The following GSTZ1 variants were observed in gnomAD, a reference collection of about 807,000 sequenced individuals.
The protein encoded by GSTZ1 is maleylacetoacetate isomerase.
GSTZ1 carries 34 observed loss-of-function variants against 35.9 expected under a neutral mutation model. The observed-to-expected ratio is 0.95, with a 90% CI of 0.72 to 1.26. The LOEUF is 1.26. Among genes scored for constraint, GSTZ1 ranks in the 50% most tolerant of loss-of-function variants. GSTZ1 has a pLI of 0.00. For synonymous variants in GSTZ1, 93 were observed against 101.2 expected, an observed-to-expected ratio of 0.92 and a Z score of 0.49; for missense variants, 263 against 271.7, an observed-to-expected ratio of 0.97 and a Z score of 0.23.
rs190070432 is a variant in GSTZ1, at chr14:77,326,755, T to C, written c.68-83T>C. ...AGAGAAGCCTCCCCCTCTTTGGCCTTAATGTCACCTTAGAAGGGCTCTTTC... is the reference window on the plus strand; with the variant it reads ...AGAGAAGCCTCCCCCTCTTTGGCCTCAATGTCACCTTAGAAGGGCTCTTTC... On this transcript the variant is annotated intron_variant, in intron 2 of 8. Coordinates refer to ENST00000216465, the MANE Select transcript of GSTZ1 (RefSeq NM_145870.3). 467 of 1,011,220 alleles carry C rather than the reference T, an allele frequency of 4.6e-4. 2 individuals carry two copies. The African/African-American group carries it at 6.5e-3, about 14-fold the overall frequency. 62.6% of individuals were successfully genotyped at this position (1,011,220 alleles called of 1,614,324 possible). A position where few individuals can be genotyped will look rare whatever the true frequency, so the allele number is the denominator to read the frequency against.
At position 77,321,083 on chromosome 14, in the gene GSTZ1, C is replaced by A; in HGVS notation, c.-86C>A. 1.5e-6 allele frequency: 2 copies of A among 1,307,092 alleles called. No individual in the cohort carries two copies. The highest frequency in any genetic ancestry group is 1.5e-5 in the South Asian group (1 of 64,532). The allele number at this position is 1,307,092 out of a possible 1,614,324, so 81.0% of individuals were successfully genotyped here. On this transcript the variant is annotated 5_prime_UTR_variant, in exon 1 of 9. Coordinates refer to ENST00000216465, the MANE Select transcript of GSTZ1 (RefSeq NM_145870.3). Reference sequence around the variant, plus strand: ...CCGGACGAAAGACACGGGCCTGATTCGTCGAGTCTCACTGAGCCTTAGTCG... The same window carrying A: ...CCGGACGAAAGACACGGGCCTGATTAGTCGAGTCTCACTGAGCCTTAGTCG...
chr14:77,327,258 C>G (rs1892367799), intron 3 of GSTZ1: 1 of 605,148 alleles, frequency 1.7e-6, no homozygotes, highest in Non-Finnish European at 3.0e-6. Flanking sequence ...AAGCCCATAG[C>G]CAGGCTGTTA....
chr14:77,328,215 C>G (rs552760412), intron 5 of GSTZ1, 178 bp downstream of exon 5: 1 of 658,472 alleles, frequency 1.5e-6, no homozygotes, highest in African/African-American at 1.8e-5. Flanking sequence ...GAATTCAGCC[C>G]CCCAGCGGGT....
At chr14:77,324,754 A>G (rs1892223057) in intron 1 of GSTZ1, 116 bp from the exon 2 acceptor site, 4 of 1,200,286 alleles carry the variant, frequency 3.3e-6, no homozygotes, top group South Asian at 1.2e-5. Flanking sequence ...CCTGATTTGC[A>G]CAGATGCAGG....
chr14:77,330,933 A>T, intron 8 of GSTZ1, 136 bp from the exon 9 acceptor site: 1 of 729,470 alleles, frequency 1.4e-6, no homozygotes, highest in Non-Finnish European at 2.3e-6. Context: ...CCTGTGAATA[A>T]GGGCTGCCCC....
chr14:77,321,325 G>A (rs951558463), intron 1 of GSTZ1, 142 bp downstream of exon 1: 1 of 1,529,926 alleles, frequency 6.5e-7, no homozygotes, highest in Non-Finnish European at 8.8e-7. Context: ...CACGCTCTGC[G>A]CCTGCGTGCT....
intron 5 of GSTZ1, 152 bp from the exon 6 acceptor site, chr14:77,328,971 G>T: frequency 1.5e-6 from 1 of 673,190 alleles, no homozygotes; most frequent in Non-Finnish European, 2.7e-6. Flanking sequence ...CAGGGCCCTT[G>T]GTTGAAGGAA....
intron 6 of GSTZ1, 28 bp from the exon 7 acceptor site, chr14:77,329,727 A>G: frequency 6.3e-7 from 1 of 1,597,892 alleles, no homozygotes; most frequent in Non-Finnish European, 8.6e-7. Context: ...TGCGCCCAGA[A>G]TAAGATGTTT....
chr14:77,330,256 G>C lies in GSTZ1; in HGVS notation c.475-54G>C, dbSNP rs767871113. Reference sequence around the variant, plus strand: ...AGTCGCAGTGGACACACCCAGTCCAGCCACTGACTCTGGGGTATGCACCCT... The same window carrying C: ...AGTCGCAGTGGACACACCCAGTCCACCCACTGACTCTGGGGTATGCACCCT... On this transcript the variant is annotated intron_variant, in intron 7 of 8. Coordinates refer to ENST00000216465, the MANE Select transcript of GSTZ1 (RefSeq NM_145870.3). 4 of 1,274,268 alleles carry C rather than the reference G, an allele frequency of 3.1e-6. No homozygotes were observed. The African/African-American group carries it at 5.9e-5, about 19-fold the overall frequency. 78.9% of individuals were successfully genotyped at this position (1,274,268 alleles called of 1,614,324 possible).
intron 2 of GSTZ1, 91 bp downstream of exon 2, chr14:77,325,012 G>A (rs1236053162): frequency 1.2e-5 from 13 of 1,107,778 alleles, no homozygotes; most frequent in Admixed American, 8.6e-5. Context: ...GGATGGAAGG[G>A]TTGCTCTGTC....
At chr14:77,322,649 C>T in intron 1 of GSTZ1, 1 of 985,148 alleles carries the variant, frequency 1.0e-6, no homozygotes, top group Non-Finnish European at 1.2e-6. Flanking sequence ...CAGTTGTGGC[C>T]ACCCAATTCC....
chr14:77,322,786 C>T lies in GSTZ1; in HGVS notation c.15+1603C>T, dbSNP rs145251283. The T allele has an allele frequency of 3.5e-6, 3 of 850,468 alleles. No homozygotes were observed. The African/African-American group carries it at 5.5e-5, about 16-fold the overall frequency. The allele number at this position is 850,468 out of a possible 1,614,324, so 52.7% of individuals were successfully genotyped here. ...GGCTTGGGAACCATCTTGGAAGGGC[C>T]TAGGTTCCCACTTACACCCTTGCCA... On this transcript the variant is annotated intron_variant, in intron 1 of 8. Transcript: ENST00000216465.
intron 7 of GSTZ1, chr14:77,330,092 T>G: frequency 1.4e-6 from 1 of 693,838 alleles, no homozygotes. Flanking sequence ...ACCCACAGAG[T>G]TGGTTGTCAG....
At chr14:77,326,547 C>T (rs1892322372) in intron 2 of GSTZ1, 1 of 353,682 alleles carries the variant, frequency 2.8e-6, no homozygotes, top group African/African-American at 2.0e-5. Context: ...CCAGGGCATA[C>T]ACCTTTATCA....
rs1340848101 is a variant in GSTZ1 at position 77,329,184 on chromosome 14, T to C, written c.404T>C (p.Ile135Thr). 8 of 1,610,318 alleles carry C rather than the reference T, an allele frequency of 5.0e-6. No homozygotes were observed. In the African/African-American group the frequency reaches 1.1e-4, roughly 22 times the overall value. ...CAGCTGACCTGGGCCCAGAACGCCA[T>C]CACTTGTGGCTTTAACGGTGAGTCC... ...EMQLTWAQNA[I>T]TCGFNALEQI... is the part of the protein sequence containing the mutation. Residue 135 changes from isoleucine (I) to threonine (T), a missense_variant, in exon 6 of 9, where the codon ATC becomes ACC. Transcript: ENST00000216465.
intron 6 of GSTZ1, 95 bp downstream of exon 6, chr14:77,329,296 C>A: frequency 1.2e-6 from 1 of 854,884 alleles, no homozygotes; most frequent in Non-Finnish European, 2.0e-6. Context: ...GCCTCCCAGG[C>A]TGCTTTGGGC....
chr14:77,321,241 G>A (rs758395951), intron 1 of GSTZ1, 58 bp downstream of exon 1: 1 of 1,535,194 alleles, frequency 6.5e-7, no homozygotes, highest in South Asian at 1.2e-5. Context: ...GACCCTGGGG[G>A]GCGGGGTCAG....
chr14:77,327,370 AG>A lies in GSTZ1; in HGVS notation c.136-101del, dbSNP rs1892373576. 9.6e-6 allele frequency: 7 copies of A among 725,502 alleles called. No homozygotes were observed. The South Asian group carries it at 1.0e-4, about 11-fold the overall frequency. 44.9% of individuals were successfully genotyped at this position (725,502 alleles called of 1,614,324 possible). A position where few individuals can be genotyped will look rare whatever the true frequency, so the allele number is the denominator to read the frequency against. On this transcript the variant is annotated intron_variant, in intron 3 of 8. Transcript: ENST00000216465. ...GATTTAGGGCCTTCCCAGGGAAGGG[AG>A]ATGGGGGTGGGTGGCAGGCCTGGGG...
intron 2 of GSTZ1, chr14:77,325,723 G>A (rs913282551): frequency 3.3e-5 from 5 of 152,102 alleles, no homozygotes; most frequent in Non-Finnish European, 5.9e-5. Flanking sequence ...CCAGAGTGTG[G>A]AGGCAAAGCC....
Sources: allele counts gnomAD v4.1 joint callset, GRCh38; gene constraint gnomAD v4.1.1; transcripts MANE v1.5; gene names NCBI Gene and HGNC (gene_info 2026-07-23, HGNC 2026-07-21).